GPATCH2: variants seen among roughly 807,000 people sequenced by gnomAD.
GPATCH2 encodes the protein G-patch domain containing 2, also known as G patch domain-containing protein 2.
In GPATCH2, 51 loss-of-function variants were observed where a neutral mutation model predicts 58.0. That is an observed-to-expected ratio of 0.88 (90% CI 0.70 to 1.11). The LOEUF (loss-of-function observed/expected upper bound fraction) is 1.11. Among genes scored for constraint, GPATCH2 ranks in the 50% most tolerant of loss-of-function variants. The pLI, the probability that GPATCH2 is intolerant of heterozygous loss-of-function variation, is 0.00. For synonymous variants in GPATCH2, 222 were observed against 218.5 expected, an observed-to-expected ratio of 1.02 and a Z score of -0.14; for missense variants, 625 against 652.2, an observed-to-expected ratio of 0.96 and a Z score of 0.45.
At chr1:217,571,494 G>A (rs1025424259) in intron 5 of GPATCH2, among the ~76,000 whole-genome samples, 15 of 147,216 alleles carry the variant, frequency 1.0e-4, no homozygotes, top group African/African-American at 2.5e-4. Flanking sequence ...ACTTCTGGGC[G>A]CCACATTTGA....
At chr1:217,506,150 G>C (rs777923737) in intron 6 of GPATCH2, among the ~76,000 whole-genome samples, 1 of 152,098 alleles carries the variant, frequency 6.6e-6, no homozygotes, top group African/African-American at 2.4e-5. Context: ...AGGCATATAC[G>C]GTTTCATAAC....
chr1:217,598,843 C>T (rs1004073745), intron 5 of GPATCH2, among the ~76,000 whole-genome samples: 1 of 152,168 alleles, frequency 6.6e-6, no homozygotes, highest in African/African-American at 2.4e-5. Flanking sequence ...GGACTCCCAT[C>T]ATTGGGTAGA....
At chr1:217,520,387 T>C (rs186537518) in intron 5 of GPATCH2, among the ~76,000 whole-genome samples, 65 of 152,254 alleles carry the variant, frequency 4.3e-4, no homozygotes, top group African/African-American at 1.2e-3. Flanking sequence ...ATGGAGAAAA[T>C]GCCTCAAAGT....
intron 8 of GPATCH2, among the ~76,000 whole-genome samples, chr1:217,477,631 C>T (rs1661024708): frequency 6.6e-6 from 1 of 152,092 alleles, no homozygotes; most frequent in African/African-American, 2.4e-5. Flanking sequence ...GGGTGAGGAT[C>T]CTCTGCCTTT....
At chr1:217,493,970 A>T (rs953151355) in intron 7 of GPATCH2, among the ~76,000 whole-genome samples, 6 of 151,766 alleles carry the variant, frequency 4.0e-5, no homozygotes, top group Admixed American at 1.3e-4. Context: ...AAAAAAAAAT[A>T]AAAAATTTAT....
At chr1:217,508,091 T>A (rs1457678152) in intron 6 of GPATCH2, among the ~76,000 whole-genome samples, 3 of 152,128 alleles carry the variant, frequency 2.0e-5, no homozygotes, top group East Asian at 1.9e-4. Flanking sequence ...AAGAAAGGAC[T>A]GTTACTGTAT....
intron 3 of GPATCH2, among the ~76,000 whole-genome samples, chr1:217,612,226 A>G (rs1166898747): frequency 6.6e-6 from 1 of 151,886 alleles, no homozygotes; most frequent in Non-Finnish European, 1.5e-5. Context: ...AAAGAAACAA[A>G]CAGCATTTTT....
rs1658421797 is a variant in GPATCH2 at position 217,429,107 on chromosome 1, C to T, written c.*2038G>A. On this transcript the variant is annotated 3_prime_UTR_variant, in exon 10 of 10. Coordinates refer to ENST00000366935, the MANE Select transcript of GPATCH2 (RefSeq NM_018040.5). The stretch of plus-strand genomic sequence containing the variant: ...CTCCAGGCAATCAAATTAACAAAAC[C>T]TCAAACACCAAATTTTGAATAGACC... 5 of 152,102 alleles carry T rather than the reference C, an allele frequency of 3.3e-5. No individual in the cohort carries two copies. The highest frequency in any genetic ancestry group is 3.3e-4 in the Admixed American group (5 of 15,270). The allele number at this position is 152,102 out of a possible 1,614,324, so 9.4% of individuals were successfully genotyped here. A position where few individuals can be genotyped will look rare whatever the true frequency, so the allele number is the denominator to read the frequency against.
At chr1:217,592,471 T>C (rs1283706006) in intron 5 of GPATCH2, among the ~76,000 whole-genome samples, 1 of 151,890 alleles carries the variant, frequency 6.6e-6, no homozygotes, top group Non-Finnish European at 1.5e-5. Context: ...ATGACTTCAC[T>C]ATGGAATCAG....
chr1:217,479,529 T>G (rs752525031), intron 8 of GPATCH2, among the ~76,000 whole-genome samples: 1 of 151,672 alleles, frequency 6.6e-6, no homozygotes, highest in Admixed American at 6.6e-5. Flanking sequence ...ACACAAAAAA[T>G]AAGCAAAAAA....
At chr1:217,441,501 G>A (rs1044031704) in intron 9 of GPATCH2, among the ~76,000 whole-genome samples, 21 of 152,086 alleles carry the variant, frequency 1.4e-4, no homozygotes, top group Non-Finnish European at 2.8e-4. Context: ...TTGACAAATG[G>A]GATCTAATTA....
At chr1:217,444,744 C>A (rs1659305953) in intron 9 of GPATCH2, among the ~76,000 whole-genome samples, 1 of 152,132 alleles carries the variant, frequency 6.6e-6, no homozygotes. Context: ...TTGGAAAAGT[C>A]TGCCTGTTTT....
intron 5 of GPATCH2, among the ~76,000 whole-genome samples, chr1:217,591,968 C>G (rs1202183710): frequency 1.3e-5 from 2 of 151,204 alleles, no homozygotes; most frequent in African/African-American, 4.9e-5. Flanking sequence ...TTTGGCAAGT[C>G]CAAATGAGTA....
chr1:217,499,252 C>T (rs900539609), intron 6 of GPATCH2, among the ~76,000 whole-genome samples: 1 of 152,124 alleles, frequency 6.6e-6, no homozygotes, highest in Admixed American at 6.5e-5. Context: ...ATTTCAACAA[C>T]CATAATACCA....
chr1:217,556,400 T>TG (rs1665619013), intron 5 of GPATCH2, among the ~76,000 whole-genome samples: 1 of 152,226 alleles, frequency 6.6e-6, no homozygotes, highest in African/African-American at 2.4e-5. Context: ...CACTGGTGTA[T>TG]GTATCCCTAA....
intron 8 of GPATCH2, among the ~76,000 whole-genome samples, chr1:217,463,351 A>T (rs1660284050): frequency 6.6e-6 from 1 of 152,142 alleles, no homozygotes. Flanking sequence ...GAGATGGTAT[A>T]GTTTACTTGA....
intron 8 of GPATCH2, among the ~76,000 whole-genome samples, chr1:217,472,553 C>T (rs768906641): frequency 1.3e-5 from 2 of 152,080 alleles, no homozygotes; most frequent in Non-Finnish European, 1.5e-5. Context: ...CTGCTCACCT[C>T]GGCCTCCTAA....
intron 7 of GPATCH2, among the ~76,000 whole-genome samples, chr1:217,494,743 C>CA (rs954117756): frequency 1.2e-4 from 17 of 142,144 alleles, no homozygotes; most frequent in Admixed American, 2.1e-4. Context: ...GACTCTGTCT[C>CA]AAAAAAAAAA....
intron 9 of GPATCH2, among the ~76,000 whole-genome samples, chr1:217,433,220 GAGA>G (rs1658628436): frequency 6.6e-6 from 1 of 151,944 alleles, no homozygotes; most frequent in South Asian, 2.1e-4. Flanking sequence ...GGTACCAGCA[GAGA>G]AGGATCCTTG....
Sources: allele counts gnomAD v4.1 joint callset (sites outside exome capture counted in the v4.1 genomes callset), GRCh38; gene constraint gnomAD v4.1.1; transcripts MANE v1.5; gene names NCBI Gene and HGNC (gene_info 2026-07-23, HGNC 2026-07-21).